The following LRRC4 variants were observed in gnomAD, a reference collection of about 807,000 sequenced individuals.
LRRC4 encodes leucine-rich repeat-containing protein 4.
In LRRC4, 11 loss-of-function variants were observed where a neutral mutation model predicts 37.9. The observed-to-expected ratio is 0.29, with a 90% CI of 0.18 to 0.48. LRRC4 has a LOEUF of 0.48. LRRC4 is among the 20% of genes least tolerant of loss of function. The probability of loss-of-function intolerance (pLI) is 0.99; values close to 1 mark genes in which losing one functional copy is unlikely to be tolerated. For synonymous variants in LRRC4, 404 were observed against 346.7 expected, an observed-to-expected ratio of 1.17 and a Z score of -1.84; for missense variants, 717 against 842.1, an observed-to-expected ratio of 0.85 and a Z score of 1.84.
At position 128,029,288 on chromosome 7, in the gene LRRC4, G is replaced by A. The variant is rs1236702802; in HGVS notation, c.1353C>T (p.Tyr451=). Residue 451 remains tyrosine, a synonymous_variant, in exon 2 of 2, where the codon TAC becomes TAT. Transcript: ENST00000249363. This position sits in a 1 kb window ranked among gnomAD's most constrained non-coding sequence, Gnocchi z 4.2. Reference sequence around the variant, plus strand: ...CCACTGTTACTGTGGTGAAGAAGCTGTAGTTGGAGGTGTTAAGCTCAGCCG... The same window carrying A: ...CCACTGTTACTGTGGTGAAGAAGCTATAGTTGGAGGTGTTAAGCTCAGCCG... ...VSTAELNTSN[Y]SFFTTVTVET... The A allele has an allele frequency of 6.2e-7, 1 of 1,614,182 alleles. No homozygotes were observed. Among genetic ancestry groups the A allele is most frequent in the Non-Finnish European group, 8.5e-7 (1 of 1,180,040 alleles).
In LRRC4 at chr7:128,029,380, C is replaced by G. The variant is rs1203446657; in HGVS notation, c.1261G>C (p.Val421Leu). ...ACATTGGTCACCATGCATGTGTACA[C>G]CCCAGTGTCTGAAAGCAGCACGTGG... ...FSHVLLSDTG[V>L]YTCMVTNVAG... is the part of the protein sequence containing the mutation. The change falls in exon 2 of 2, where the codon GTG becomes CTG. Residue 421 changes from valine (V) to leucine (L), a missense_variant. Val to Leu is a conservative substitution (Grantham distance 32, BLOSUM62 1). Transcript: ENST00000249363. The surrounding 1 kb of genome is among the most constrained non-coding windows in gnomAD (Gnocchi z 4.2). 6.2e-7 allele frequency: 1 copy of G among 1,614,070 alleles called. No homozygotes were observed. The highest frequency in any genetic ancestry group is 1.3e-5 in the African/African-American group (1 of 74,910).
At position 128,027,401 on chromosome 7, in the gene LRRC4, A is replaced by T. The variant is rs1803507721; in HGVS notation, c.*1278T>A. On this transcript the variant is annotated 3_prime_UTR_variant, in exon 2 of 2. Coordinates refer to ENST00000249363, the MANE Select transcript of LRRC4 (RefSeq NM_022143.5). The stretch of plus-strand genomic sequence containing the variant: ...CCATGTGTGCATGCGTGTCACTTGT[A>T]ACTGTGGATCTCACAGCTTTTTTGT... 1 of 152,518 alleles carries T rather than the reference A, an allele frequency of 6.6e-6. No individual in the cohort carries two copies. The highest frequency in any genetic ancestry group is 2.4e-5 in the African/African-American group (1 of 41,396). The allele number at this position is 152,518 out of a possible 1,614,324, so 9.4% of individuals were successfully genotyped here.
chr7:128,031,544 A>AG (rs908703620), upstream of LRRC4: 1 of 150,788 alleles, frequency 6.6e-6, no homozygotes, highest in Non-Finnish European at 1.5e-5. Flanking sequence ...GGTGGAAGAG[A>AG]CAAAAACGGG....
rs769343155 is a variant in LRRC4 at position 128,030,470 on chromosome 7, G to A, written c.171C>T (p.Ser57=). 4 of 1,613,610 alleles carry A rather than the reference G, an allele frequency of 2.5e-6. No individual in the cohort carries two copies. Among genetic ancestry groups the A allele is most frequent in the Non-Finnish European group, 3.4e-6 (4 of 1,179,998 alleles). ...GGCCCCGGCGCGTGCACACCACCTT[G>A]CTGAACTGGTTACTGCACGAGCAGA... ...PSVCSCSNQF[S]KVVCTRRGLS... is the part of the protein sequence containing the mutation. The change falls in exon 2 of 2, where the codon AGC becomes AGT. Residue 57 remains serine (S), a synonymous_variant. Coordinates refer to ENST00000249363, the MANE Select transcript of LRRC4 (RefSeq NM_022143.5).
rs1057252175 is a variant in LRRC4 at position 128,031,386 on chromosome 7, G to A, written c.-574C>T. On this transcript the variant is annotated 5_prime_UTR_variant, in exon 1 of 2. Transcript: ENST00000249363. ...CCAGGCCGCACTCGCTGGATGCTGC[G>A]CTCCCTCTCCCGGCGTCGGCCGCTC... 1 of 151,848 alleles carries A rather than the reference G, an allele frequency of 6.6e-6. No individual in the cohort carries two copies. The highest frequency in any genetic ancestry group is 2.4e-5 in the African/African-American group (1 of 41,390). The allele number at this position is 151,848 out of a possible 1,614,324, so 9.4% of individuals were successfully genotyped here.
Position 128,030,532 on chromosome 7 carries a change from C to G in LRRC4, c.109G>C (p.Ala37Pro). 2 of 1,613,288 alleles carry G rather than the reference C, an allele frequency of 1.2e-6. No individual in the cohort carries two copies. The highest frequency in any genetic ancestry group is 2.2e-5 in the South Asian group (2 of 91,030). The part of the protein sequence containing the change: ...QVWILCAAIA[A>P]AASAGPQNCP... ...TTCTGGGGCCCGGCTGAGGCGGCAGCAGCGATGGCTGCACACAGAATCCAC... is the reference window on the plus strand; with the variant it reads ...TTCTGGGGCCCGGCTGAGGCGGCAGGAGCGATGGCTGCACACAGAATCCAC... The change falls in exon 2 of 2, where the codon GCT becomes CCT. Residue 37 changes from alanine to proline, a missense_variant. By Grantham distance (27) the Ala-to-Pro change is conservative. Around this residue, in one of 5 missense-constraint regions of LRRC4, gnomAD observed 127 missense variants for 134.8 expected, o/e 0.94. Coordinates refer to ENST00000249363, the MANE Select transcript of LRRC4 (RefSeq NM_022143.5).
chr7:128,031,545 C>CA (rs1347465459), upstream of LRRC4: 4 of 151,080 alleles, frequency 2.6e-5, no homozygotes, highest in Admixed American at 2.6e-4. Context: ...GTGGAAGAGA[C>CA]AAAAACGGGG....
chr7:128,030,559 C>G lies in LRRC4; in HGVS notation c.82G>C (p.Val28Leu). 1 of 1,612,392 alleles carries G rather than the reference C, an allele frequency of 6.2e-7. No individual in the cohort carries two copies. Among genetic ancestry groups the G allele is most frequent in the Non-Finnish European group, 8.5e-7 (1 of 1,179,008 alleles). ...LLPFVYLTAQ[V>L]WILCAAIAAA... ...GCGATGGCTGCACACAGAATCCACA[C>G]TTGCGCCGTGAGGTAGACGAACGGG... The change falls in exon 2 of 2, where the codon GTG becomes CTG. Residue 28 changes from valine to leucine, a missense_variant. By Grantham distance (32) the Val-to-Leu change is conservative. Around this residue, in one of 5 missense-constraint regions of LRRC4, gnomAD observed 127 missense variants for 134.8 expected, o/e 0.94. Coordinates refer to ENST00000249363, the MANE Select transcript of LRRC4 (RefSeq NM_022143.5).
In LRRC4 at chr7:128,030,479, G is replaced by A; in HGVS notation, c.162C>T (p.Asn54=). The A allele has an allele frequency of 1.2e-6, 2 of 1,613,594 alleles. No individual in the cohort carries two copies. Among genetic ancestry groups the A allele is most frequent in the Non-Finnish European group, 1.7e-6 (2 of 1,179,984 alleles). ...QNCPSVCSCS[N]QFSKVVCTRR... ...GCGTGCACACCACCTTGCTGAACTG[G>A]TTACTGCACGAGCAGACGGAGGGGC... is the stretch of plus-strand genomic sequence containing the variant. Residue 54 remains asparagine, a synonymous_variant, in exon 2 of 2, where the codon AAC becomes AAT. Transcript: ENST00000249363.
upstream of LRRC4, chr7:128,031,719 G>GGGCGGGCGCGGGTCCGGCGGCGGC (rs1407616502): frequency 6.2e-5 from 9 of 145,814 alleles, no homozygotes; most frequent in South Asian, 4.2e-4. Context: ...GAGAGTCCGG[G>GGGCGGGCGCGGGTCCGGCGGCGGC]GGCGGGCGCG....
In LRRC4 at chr7:128,028,031, C is replaced by G. The variant is rs1006599782; in HGVS notation, c.*648G>C. 7.2e-5 allele frequency: 11 copies of G among 152,692 alleles called. No individual in the cohort carries two copies. The East Asian group carries it at 7.7e-4, about 11-fold the overall frequency. The allele number at this position is 152,692 out of a possible 1,614,324, so 9.5% of individuals were successfully genotyped here. ...TGCACAGACCCCCAAGACTTGTGCA[C>G]ATGGACAAAGACTCAGCCCCTTTAA... On this transcript the variant is annotated 3_prime_UTR_variant, in exon 2 of 2. Transcript: ENST00000249363.
At chr7:128,031,455 CGA>C (rs1792599100), upstream of LRRC4, 1 of 151,712 alleles carries the variant, frequency 6.6e-6, no homozygotes, top group Non-Finnish European at 1.5e-5. Flanking sequence ...CGCGGAGCGG[CGA>C]GAGTTAAGAG....
At position 128,028,513 on chromosome 7, in the gene LRRC4, G is replaced by T; in HGVS notation, c.*166C>A. ...AACTTACAAGTTAGAAAATATTTTT[G>T]TTTTGACTTTTTGTCTTTAAATTTT... On this transcript the variant is annotated 3_prime_UTR_variant, in exon 2 of 2. Transcript: ENST00000249363. 1.1e-4 allele frequency: 67 copies of T among 606,978 alleles called. No homozygotes were observed. Among genetic ancestry groups the T allele is most frequent in the East Asian group, 1.7e-4 (5 of 30,092 alleles). 37.6% of individuals were successfully genotyped at this position (606,978 alleles called of 1,614,324 possible). A position where few individuals can be genotyped will look rare whatever the true frequency, so the allele number is the denominator to read the frequency against.
chr7:128,028,846 G>A lies in LRRC4; in HGVS notation c.1795C>T (p.Pro599Ser), dbSNP rs1460748052. ...TAGTTAATATGGTCATGAATTGTGG[G>A]CAGCACTACTGCCCCCTCACCTGAT... ...GVSGEGAVVL[P>S]TIHDHINYNT... The change falls in exon 2 of 2, where the codon CCC becomes TCC. Residue 599 changes from proline (P) to serine (S), a missense_variant. Around this residue, in one of 5 missense-constraint regions of LRRC4, gnomAD observed 140 missense variants for 137.2 expected, o/e 1.02. Coordinates refer to ENST00000249363, the MANE Select transcript of LRRC4 (RefSeq NM_022143.5). 1 of 1,614,056 alleles carries A rather than the reference G, an allele frequency of 6.2e-7. No homozygotes were observed. The highest frequency in any genetic ancestry group is 1.7e-5 in the Admixed American group (1 of 60,006).
intron 1 of LRRC4, 48 bp downstream of exon 1, chr7:128,030,865 C>T (rs959679377): frequency 1.7e-5 from 9 of 518,224 alleles, no homozygotes; most frequent in Admixed American, 7.3e-5. Flanking sequence ...CCGAAAGCTA[C>T]GACTCTCCCA....
In LRRC4 at chr7:128,030,541, C is replaced by T. The variant is rs1403768890; in HGVS notation, c.100G>A (p.Ala34Thr). The change falls in exon 2 of 2, where the codon GCC becomes ACC. Residue 34 changes from alanine (A) to threonine (T), a missense_variant. Ala to Thr is a moderately conservative substitution (Grantham distance 58). Transcript: ENST00000249363. The stretch of plus-strand genomic sequence containing the variant: ...CCGGCTGAGGCGGCAGCAGCGATGG[C>T]TGCACACAGAATCCACACTTGCGCC... Reference protein sequence around the residue: ...LTAQVWILCAAIAAAASAGPQ... With the variant: ...LTAQVWILCATIAAAASAGPQ... 6.2e-7 allele frequency: 1 copy of T among 1,613,388 alleles called. No individual in the cohort carries two copies. The highest frequency in any genetic ancestry group is 1.1e-5 in the South Asian group (1 of 91,006).
rs946566491 is a variant in LRRC4 at position 128,028,643 on chromosome 7, T to C, written c.*36A>G. 6.3e-7 allele frequency: 1 copy of C among 1,575,590 alleles called. No homozygotes were observed. The highest frequency in any genetic ancestry group is 8.6e-7 in the Non-Finnish European group (1 of 1,158,888). ...CAAAAGTTGCTGTCTTTGTGTGCAT[T>C]CTATTGCATTTTATAAGTTTTTTGG... is the stretch of plus-strand genomic sequence containing the variant. On this transcript the variant is annotated 3_prime_UTR_variant, in exon 2 of 2. Coordinates refer to ENST00000249363, the MANE Select transcript of LRRC4 (RefSeq NM_022143.5).
At position 128,030,407 on chromosome 7, in the gene LRRC4, C is replaced by G. The variant is rs928290078; in HGVS notation, c.234G>C (p.Arg78=). The G allele has an allele frequency of 3.1e-6, 5 of 1,613,874 alleles. No individual in the cohort carries two copies. The highest frequency in any genetic ancestry group is 1.7e-4 in the Middle Eastern group (1 of 6,060). ...EVPQGIPSNT[R]YLNLMENNIQ... ...TGTTGTTCTCCATGAGGTTGAGGTA[C>G]CGGGTGTTCGAGGGAATACCCTGCG... The change falls in exon 2 of 2, where the codon CGG becomes CGC. Residue 78 remains arginine, a synonymous_variant. Coordinates refer to ENST00000249363, the MANE Select transcript of LRRC4 (RefSeq NM_022143.5).
upstream of LRRC4, among the ~76,000 whole-genome samples, chr7:128,031,855 G>C (rs1792623931): frequency 1.3e-5 from 2 of 150,262 alleles, no homozygotes; most frequent in South Asian, 4.2e-4. Context: ...TCGCGGCTTC[G>C]GCTCCCGGCG....
Sources: allele counts gnomAD v4.1 joint callset (sites outside exome capture counted in the v4.1 genomes callset), GRCh38; gene constraint gnomAD v4.1.1; regional missense constraint gnomAD v4.1.1; non-coding constraint Gnocchi (gnomAD v3.1); transcripts MANE v1.5; gene names NCBI Gene and HGNC (gene_info 2026-07-23, HGNC 2026-07-21).